The following AP3B2 variants were observed in gnomAD, a reference collection of about 807,000 sequenced individuals.
AP3B2 encodes the protein adaptor related protein complex 3 subunit beta 2.
Under a neutral mutation model 126.9 loss-of-function variants are expected in AP3B2, and 50 were observed. That is an observed-to-expected ratio of 0.39 (90% CI 0.31 to 0.50). AP3B2 has a LOEUF of 0.50. AP3B2 is among the 20% of genes least tolerant of loss of function. The pLI is 0.79. For synonymous variants in AP3B2, 541 were observed against 565.0 expected (o/e 0.96, Z 0.60); for missense variants, 1,177 against 1,426.4 (o/e 0.83, Z 2.82).
At chr15:82,677,898 C>A in intron 11 of AP3B2, 95 bp from the exon 12 acceptor site, 1 of 1,450,934 alleles carries the variant, frequency 6.9e-7, no homozygotes, top group African/African-American at 1.4e-5. Context: ...GCTTATCATG[C>A]CGGTGACTAA....
At chr15:82,661,291 C>T (rs966301112) in intron 25 of AP3B2, among the ~76,000 whole-genome samples, 1 of 152,146 alleles carries the variant, frequency 6.6e-6, no homozygotes, top group African/African-American at 2.4e-5. Context: ...TACTAAATAG[C>T]TCCTCCTGAA....
chr15:82,667,485 A>G (rs1394721346), intron 14 of AP3B2, among the ~76,000 whole-genome samples: 1 of 152,202 alleles, frequency 6.6e-6, no homozygotes, highest in African/African-American at 2.4e-5. Context: ...GGAAGCTTCT[A>G]ATGACATCAG....
At chr15:82,695,869 A>T (rs2048622392) in intron 1 of AP3B2, among the ~76,000 whole-genome samples, 1 of 152,134 alleles carries the variant, frequency 6.6e-6, no homozygotes, top group Non-Finnish European at 1.5e-5. Flanking sequence ...ATCTAACACT[A>T]GATTGACTTG....
In AP3B2 at chr15:82,681,288, CTCTG is replaced by C; in HGVS notation, c.522-114_522-111del. On this transcript the variant is annotated intron_variant, in intron 5 of 26. Transcript: ENST00000535359. The surrounding 1 kb of genome is among the most constrained non-coding windows in gnomAD (Gnocchi z 4.0). ...CCCCAGCCTTATTGTTCTCCTCCAT[CTCTG>C]TCAGTCCCCCAAACTACCCTCCTCA... The C allele has an allele frequency of 6.6e-7, 1 of 1,517,844 alleles. No homozygotes were observed. Among genetic ancestry groups the C allele is most frequent in the Non-Finnish European group, 9.0e-7 (1 of 1,116,798 alleles). The allele number at this position is 1,517,844 out of a possible 1,614,324, so 94.0% of individuals were successfully genotyped here.
At chr15:82,672,873 C>T (rs550808467) in intron 14 of AP3B2, among the ~76,000 whole-genome samples, 6 of 152,298 alleles carry the variant, frequency 3.9e-5, no homozygotes, top group Non-Finnish European at 8.8e-5. Flanking sequence ...GAGCTAAGGA[C>T]GGCCTCTAGA....
At chr15:82,678,984 T>C (rs1282108668) in intron 10 of AP3B2, among the ~76,000 whole-genome samples, 1 of 152,172 alleles carries the variant, frequency 6.6e-6, no homozygotes, top group Non-Finnish European at 1.5e-5. Flanking sequence ...CCCGCCACTT[T>C]CCTTGTCCGT....
At chr15:82,704,198 C>A (rs1025427550) in intron 1 of AP3B2, among the ~76,000 whole-genome samples, 1 of 152,168 alleles carries the variant, frequency 6.6e-6, no homozygotes, top group Admixed American at 6.5e-5. Flanking sequence ...AACCCTGAGA[C>A]GCTTTACAGC....
At chr15:82,700,808 G>C (rs141024593) in intron 1 of AP3B2, among the ~76,000 whole-genome samples, 2,702 of 152,164 alleles carry the variant, frequency 0.018, 30 homozygotes, top group Non-Finnish European at 0.026. Flanking sequence ...AAAGTCTTTA[G>C]ATGAAATCCC....
chr15:82,688,248 G>A (rs938350383), intron 4 of AP3B2: 2 of 590,694 alleles, frequency 3.4e-6, no homozygotes, highest in South Asian at 2.1e-5. Context: ...AAAGCCCTTA[G>A]GGGGGAGACT....
chr15:82,709,650 C>A lies in AP3B2; in HGVS notation c.57G>T (p.Glu19Asp). ...TCGCGGGGTCGTGGCCGTACTCGGG[C>A]TCCCCGGGGCCAGCGGAGCCGCCCT... is the stretch of plus-strand genomic sequence containing the variant. ...EDKGGSAGPGEPEYGHDPASG... is the reference protein window; with the variant it reads ...EDKGGSAGPGDPEYGHDPASG... Residue 19 changes from glutamate (E) to aspartate (D), a missense_variant, in exon 1 of 27, where the codon GAG becomes GAT. Transcript: ENST00000535359. The A allele has an allele frequency of 2.0e-6, 3 of 1,519,758 alleles. No homozygotes were observed. The highest frequency in any genetic ancestry group is 2.6e-6 in the Non-Finnish European group (3 of 1,136,564). The allele number at this position is 1,519,758 out of a possible 1,614,324, so 94.1% of individuals were successfully genotyped here.
At position 82,662,191 on chromosome 15, in the gene AP3B2, G is replaced by A. The variant is rs1170388779; in HGVS notation, c.2895C>T (p.Thr965=). Residue 965 remains threonine, a synonymous_variant, in exon 24 of 27, where the codon ACC becomes ACT. Coordinates refer to ENST00000535359, the MANE Select transcript of AP3B2 (RefSeq NM_001278512.2). The part of the protein sequence containing the change: ...AVMGINFCDS[T]QAANFQLCTQ... ...ACCACAGCTGGAAGTTGGCTGCCTG[G>A]GTTGAGTCACAGAAATTAATGCCCA... 6.2e-7 allele frequency: 1 copy of A among 1,603,108 alleles called. No homozygotes were observed. The highest frequency in any genetic ancestry group is 8.5e-7 in the Non-Finnish European group (1 of 1,174,674).
chr15:82,689,276 G>A (rs1198052996), intron 2 of AP3B2, 44 bp from the exon 3 acceptor site: 3 of 1,612,646 alleles, frequency 1.9e-6, no homozygotes, highest in East Asian at 2.2e-5. Flanking sequence ...CAAAGCGAGA[G>A]GCACAGCACT....
Position 82,680,261 on chromosome 15 carries a change from C to A in AP3B2, c.1056-32G>T, listed in dbSNP as rs747894267. 10 of 1,612,966 alleles carry A rather than the reference C, an allele frequency of 6.2e-6. No homozygotes were observed. The highest frequency in any genetic ancestry group is 8.5e-7 in the Non-Finnish European group (1 of 1,179,626). ...AGAGGACGGGTCAGAGCACCCCGGGCCCCTCGGTTGGGGCAAGGGTCAGCG... is the reference window on the plus strand; with the variant it reads ...AGAGGACGGGTCAGAGCACCCCGGGACCCTCGGTTGGGGCAAGGGTCAGCG... On this transcript the variant is annotated intron_variant, in intron 8 of 26. Coordinates refer to ENST00000535359, the MANE Select transcript of AP3B2 (RefSeq NM_001278512.2). This position sits in a 1 kb window ranked among gnomAD's most constrained non-coding sequence, Gnocchi z 6.1.
At chr15:82,705,555 G>A (rs571874502) in intron 1 of AP3B2, among the ~76,000 whole-genome samples, 14 of 151,976 alleles carry the variant, frequency 9.2e-5, no homozygotes, top group African/African-American at 2.7e-4. Flanking sequence ...GCCTCTCTTC[G>A]CTTTCACTTG....
rs376059295 is a variant in AP3B2 at position 82,705,125 on chromosome 15, C to T, written c.113+4469G>A. ...CCTTCACATCCTCCCCTTGTATCTC[C>T]CCACCTTAATCCTCAAGTATAGGAC... On this transcript the variant is annotated intron_variant, in intron 1 of 26. Coordinates refer to ENST00000535359, the MANE Select transcript of AP3B2 (RefSeq NM_001278512.2). Among the ~76,000 whole-genome samples, 9 of 152,102 alleles carry T rather than the reference C, an allele frequency of 5.9e-5. No homozygotes were observed. In the East Asian group the frequency reaches 7.7e-4, roughly 13 times the overall value.
At chr15:82,684,160 G>A (rs769947006) in intron 4 of AP3B2, among the ~76,000 whole-genome samples, 9 of 152,164 alleles carry the variant, frequency 5.9e-5, no homozygotes, top group Non-Finnish European at 1.2e-4. Flanking sequence ...TTAAAGCCAG[G>A]CATTGACTTC....
Position 82,662,865 on chromosome 15 carries a change from C to T in AP3B2, c.2662G>A (p.Glu888Lys), listed in dbSNP as rs566979650. The change falls in exon 23 of 27, where the codon GAG (glutamate) becomes AAG (lysine). Residue 888 changes from glutamate (E) to lysine (K), a missense_variant. Physicochemically the swap from Glu to Lys is moderately conservative, Grantham distance 56 (BLOSUM62 1). Transcript: ENST00000535359. The part of the protein sequence containing the change: ...RQELLHRVAG[E>K]GLAVDYTFSR... Reference sequence around the variant, plus strand: ...AAGGTGTAGTCCACAGCCAGCCCCTCGCCAGCTACCCGGTGCAGCAGCTCC... The same window carrying T: ...AAGGTGTAGTCCACAGCCAGCCCCTTGCCAGCTACCCGGTGCAGCAGCTCC... 3.1e-4 allele frequency: 496 copies of T among 1,613,640 alleles called. 9 individuals are homozygous for T. In the South Asian group the frequency reaches 4.8e-3, roughly 16 times the overall value.
In AP3B2 at chr15:82,680,909, C is replaced by T. The variant is rs763102334; in HGVS notation, c.699G>A (p.Glu233=). The stretch of plus-strand genomic sequence containing the variant: ...TGCTGATGATGACCACCTGGCCCCA[C>T]TCCTCCACGTCGATCAGCAGGTTAC... ...KLCNLLIDVE[E]WGQVVIISML... Residue 233 remains glutamate, a synonymous_variant, in exon 7 of 27, where the codon GAG becomes GAA. Transcript: ENST00000535359. This position sits in a 1 kb window ranked among gnomAD's most constrained non-coding sequence, Gnocchi z 6.1. The T allele has an allele frequency of 6.2e-7, 1 of 1,613,970 alleles. No homozygotes were observed. Among genetic ancestry groups the T allele is most frequent in the Non-Finnish European group, 8.5e-7 (1 of 1,179,878 alleles).
chr15:82,681,327 A>C lies in AP3B2; in HGVS notation c.521+93T>G, dbSNP rs1404085967. 3.8e-6 allele frequency: 6 copies of C among 1,562,922 alleles called. No homozygotes were observed. Among genetic ancestry groups the C allele is most frequent in the East Asian group, 2.3e-5 (1 of 44,418 alleles). On this transcript the variant is annotated intron_variant, in intron 5 of 26. Coordinates refer to ENST00000535359, the MANE Select transcript of AP3B2 (RefSeq NM_001278512.2). The surrounding 1 kb of genome is among the most constrained non-coding windows in gnomAD (Gnocchi z 4.0). ...CAAACTACCCTCCTCAAACCCTCTG[A>C]GAAGCAGCAGGCAAGACTTAGGAAA...
Sources: gnomAD v4.1 joint callset for allele counts (sites outside exome capture counted in the v4.1 genomes callset) on GRCh38, gnomAD v4.1.1 for gene constraint, Gnocchi (gnomAD v3.1) non-coding constraint, MANE v1.5 for transcripts, NCBI Gene and HGNC (gene_info 2026-07-23, HGNC 2026-07-21) for gene names.